Variants in ATOH8 observed in about 807,000 individuals in gnomAD.
ATOH8 encodes atonal bHLH transcription factor 8.
A neutral mutation model predicts 21.2 loss-of-function variants in ATOH8; 9 were observed. That is an observed-to-expected ratio of 0.42 (90% CI 0.26 to 0.74). The LOEUF is 0.74. ATOH8 is among the 30% of genes least tolerant of loss of function. The probability of loss-of-function intolerance (pLI) is 0.24; values close to 1 mark genes in which losing one functional copy is unlikely to be tolerated. For missense variants in ATOH8, 524 were observed against 470.9 expected (o/e 1.11, Z -1.04); for synonymous variants, 253 against 224.0 (o/e 1.13, Z -1.16).
At chr2:85,778,869 C>T (rs1238419751) in intron 2 of ATOH8, among the ~76,000 whole-genome samples, 2 of 152,166 alleles carry the variant, frequency 1.3e-5, no homozygotes. Flanking sequence ...AAGTCAGGCC[C>T]ACAGGGCAGG....
In ATOH8 at chr2:85,754,469, G is replaced by A. The variant is rs746113017; in HGVS notation, c.280G>A (p.Gly94Arg). The stretch of plus-strand genomic sequence containing the variant: ...CCCAAGAGGGGGCACGGACACAGCC[G>A]GGGAGCGCGGGGGCTCTCGGGCGCC... The part of the protein sequence containing the change: ...VPPRGGTDTA[G>R]ERGGSRAPEV... Residue 94 changes from glycine to arginine, a missense_variant, in exon 1 of 3, where the codon GGG becomes AGG. By Grantham distance (125) the Gly-to-Arg change is moderately radical. Coordinates refer to ENST00000306279, the MANE Select transcript of ATOH8 (RefSeq NM_032827.7). 4.8e-6 allele frequency: 7 copies of A among 1,464,404 alleles called. No homozygotes were observed. In the Admixed American group the frequency reaches 1.4e-4, roughly 29 times the overall value. 90.7% of individuals were successfully genotyped at this position (1,464,404 alleles called of 1,614,324 possible).
At chr2:85,763,821 CGTGTGTGTGT>C (rs61491730) in intron 1 of ATOH8, among the ~76,000 whole-genome samples, 160 bp from the exon 2 acceptor site, 55 of 143,866 alleles carry the variant, frequency 3.8e-4, no homozygotes, top group South Asian at 2.3e-4. Context: ...GATGAGCTGA[CGTGTGTGTGT>C]GTGTGTGTGT....
In ATOH8 at chr2:85,772,504, G is replaced by A. The variant is rs764926713; in HGVS notation, c.960+8322G>A. 6.7e-5 allele frequency: 23 copies of A among 345,598 alleles called. No homozygotes were observed. In the East Asian group the frequency reaches 1.1e-3, roughly 17 times the overall value. 21.4% of individuals were successfully genotyped at this position (345,598 alleles called of 1,614,324 possible). Reference sequence around the variant, plus strand: ...GGAGGGCAGAGGGCAGGGAAAGCACGCGAGCTGGAAGCCCAAGCACTCAGT... The same window carrying A: ...GGAGGGCAGAGGGCAGGGAAAGCACACGAGCTGGAAGCCCAAGCACTCAGT... On this transcript the variant is annotated intron_variant, in intron 2 of 2. Transcript: ENST00000306279.
rs1679607404 is a variant in ATOH8 at position 85,754,459 on chromosome 2, G to A, written c.270G>A (p.Thr90=). 6.7e-7 allele frequency: 1 copy of A among 1,494,456 alleles called. No individual in the cohort carries two copies. The highest frequency in any genetic ancestry group is 8.8e-7 in the Non-Finnish European group (1 of 1,131,694). The allele number at this position is 1,494,456 out of a possible 1,614,324, so 92.6% of individuals were successfully genotyped here. ...VAPAVPPRGG[T]DTAGERGGSR... The stretch of plus-strand genomic sequence containing the variant: ...CGGCCGTTCCCCCAAGAGGGGGCAC[G>A]GACACAGCCGGGGAGCGCGGGGGCT... Residue 90 remains threonine, a synonymous_variant, in exon 1 of 3, where the codon ACG becomes ACA. Coordinates refer to ENST00000306279, the MANE Select transcript of ATOH8 (RefSeq NM_032827.7).
chr2:85,782,949 G>C (rs1382245006), intron 2 of ATOH8, among the ~76,000 whole-genome samples: 2 of 152,200 alleles, frequency 1.3e-5, no homozygotes, highest in Non-Finnish European at 2.9e-5. Context: ...TCCTGCTTTG[G>C]CCTCCCAAAG....
At chr2:85,776,875 A>G (rs1463240819) in intron 2 of ATOH8, among the ~76,000 whole-genome samples, 12 of 151,950 alleles carry the variant, frequency 7.9e-5, no homozygotes, top group Admixed American at 7.9e-4. Context: ...AGAGCTGTCC[A>G]TCCCCCTGTC....
rs749669556 is a variant in ATOH8, at chr2:85,754,485, C to T, written c.296C>T (p.Ser99Phe). 11 of 1,442,796 alleles carry T rather than the reference C, an allele frequency of 7.6e-6. No individual in the cohort carries two copies. The African/African-American group carries it at 1.7e-4, about 22-fold the overall frequency. The allele number at this position is 1,442,796 out of a possible 1,614,324, so 89.4% of individuals were successfully genotyped here. A position where few individuals can be genotyped will look rare whatever the true frequency, so the allele number is the denominator to read the frequency against. ...GTDTAGERGG[S>F]RAPEVSDARK... ...GACACAGCCGGGGAGCGCGGGGGCTCTCGGGCGCCCGAGGTCTCCGACGCG... is the reference window on the plus strand; with the variant it reads ...GACACAGCCGGGGAGCGCGGGGGCTTTCGGGCGCCCGAGGTCTCCGACGCG... Residue 99 changes from serine to phenylalanine, a missense_variant, in exon 1 of 3, where the codon TCT becomes TTT. Coordinates refer to ENST00000306279, the MANE Select transcript of ATOH8 (RefSeq NM_032827.7).
rs570404332 is a variant in ATOH8 at position 85,768,429 on chromosome 2, G to A, written c.960+4247G>A. 9.8e-5 allele frequency among the ~76,000 whole-genome samples: 15 copies of A among 152,286 alleles called. No individual in the cohort carries two copies. The South Asian group carries it at 3.1e-3, about 32-fold the overall frequency. On this transcript the variant is annotated intron_variant, in intron 2 of 2. Coordinates refer to ENST00000306279, the MANE Select transcript of ATOH8 (RefSeq NM_032827.7). The stretch of plus-strand genomic sequence containing the variant: ...AGGCCTGTCAGGCAGGGTTGCAGAA[G>A]CCTGGGAGCAAAAATCTGGACCAAA...
In ATOH8 at chr2:85,778,762, T is replaced by A. The variant is rs1680404353; in HGVS notation, c.961-8123T>A. ...GAGGCAGCAGGGTGATGGGAGCAGT[T>A]CCCAGTCCAGAAGGAGGCAGGCCTG... is the stretch of plus-strand genomic sequence containing the variant. On this transcript the variant is annotated intron_variant, in intron 2 of 2. Transcript: ENST00000306279. Among the ~76,000 whole-genome samples, 9 of 152,114 alleles carry A rather than the reference T, an allele frequency of 5.9e-5. No homozygotes were observed. The South Asian group carries it at 1.9e-3, about 32-fold the overall frequency.
chr2:85,760,386 T>G (rs1679835124), intron 1 of ATOH8, among the ~76,000 whole-genome samples: 1 of 151,996 alleles, frequency 6.6e-6, no homozygotes, highest in Admixed American at 6.6e-5. Context: ...TGGGCCTTGC[T>G]GTGGATACTC....
intron 1 of ATOH8, among the ~76,000 whole-genome samples, 171 bp downstream of exon 1, chr2:85,755,128 C>A (rs529937581): frequency 6.6e-6 from 1 of 152,376 alleles, no homozygotes; most frequent in Admixed American, 6.5e-5. Context: ...TCATAGTTTT[C>A]AAAGTGGCTA....
chr2:85,765,443 G>A (rs1267873192), intron 2 of ATOH8, among the ~76,000 whole-genome samples: 2 of 152,258 alleles, frequency 1.3e-5, no homozygotes, highest in Non-Finnish European at 2.9e-5. Flanking sequence ...ATTCCTGGGA[G>A]TGCTTTAACG....
intron 2 of ATOH8, chr2:85,774,937 C>T: frequency 1.0e-6 from 1 of 975,150 alleles, no homozygotes; most frequent in East Asian, 1.1e-4. Flanking sequence ...AAAGCCCTCC[C>T]TGACCCCAAC....
At chr2:85,773,115 G>A (rs1049702097) in intron 2 of ATOH8, 2 of 337,984 alleles carry the variant, frequency 5.9e-6, no homozygotes, top group South Asian at 2.4e-5. Flanking sequence ...GCACACAGAC[G>A]AGAACAATGT....
At chr2:85,774,947 C>T in intron 2 of ATOH8, 1 of 980,630 alleles carries the variant, frequency 1.0e-6, no homozygotes, top group Non-Finnish European at 1.2e-6. Flanking sequence ...CTGACCCCAA[C>T]CCCAGCTCCT....
chr2:85,771,466 G>A (rs1007319734), intron 2 of ATOH8, among the ~76,000 whole-genome samples: 7 of 152,128 alleles, frequency 4.6e-5, no homozygotes, highest in African/African-American at 1.2e-4. Flanking sequence ...TTGGAACCCC[G>A]GGAAGGAACA....
intron 1 of ATOH8, among the ~76,000 whole-genome samples, chr2:85,760,303 C>T (rs1336393919): frequency 6.6e-6 from 1 of 152,018 alleles, no homozygotes; most frequent in Non-Finnish European, 1.5e-5. Flanking sequence ...CCTCCTTTGG[C>T]CCGTGTCCTC....
In ATOH8 at chr2:85,790,626, C is replaced by G. The variant is rs1048967327; in HGVS notation, c.*3736C>G. 2.0e-5 allele frequency among the ~76,000 whole-genome samples: 3 copies of G among 152,240 alleles called. No individual in the cohort carries two copies. Among genetic ancestry groups the G allele is most frequent in the African/African-American group, 7.2e-5 (3 of 41,468 alleles). On this transcript the variant is annotated 3_prime_UTR_variant, in exon 3 of 3. Coordinates refer to ENST00000306279, the MANE Select transcript of ATOH8 (RefSeq NM_032827.7). Reference sequence around the variant, plus strand: ...ATTTCTCCACCTCCACCAAGTTCCCCTTTCTCACAGCTAGTGGAGGCATGA... The same window carrying G: ...ATTTCTCCACCTCCACCAAGTTCCCGTTTCTCACAGCTAGTGGAGGCATGA...
intron 2 of ATOH8, among the ~76,000 whole-genome samples, chr2:85,770,539 C>T (rs777421767): frequency 2.0e-5 from 3 of 152,228 alleles, no homozygotes; most frequent in Non-Finnish European, 1.5e-5. Flanking sequence ...AGACGTTTGT[C>T]GCCAGCTGTT....
Sources: gnomAD v4.1 joint callset for allele counts (sites outside exome capture counted in the v4.1 genomes callset) on GRCh38, gnomAD v4.1.1 for gene constraint, MANE v1.5 for transcripts, NCBI Gene and HGNC (gene_info 2026-07-23, HGNC 2026-07-21) for gene names.